TRIB3: variants seen among roughly 807,000 people sequenced by gnomAD.
The protein encoded by TRIB3 is tribbles pseudokinase 3.
Under a neutral mutation model 16.6 loss-of-function variants are expected in TRIB3, and 20 were observed. That is an observed-to-expected ratio of 1.20 (90% CI 0.85 to 1.75). TRIB3 has a LOEUF of 1.75. Among genes scored for constraint, TRIB3 ranks in the 40% most tolerant of loss-of-function variants. TRIB3 has a pLI of 0.00. For synonymous variants in TRIB3, 208 were observed against 217.0 expected (o/e 0.96, Z 0.36); for missense variants, 484 against 488.9 (o/e 0.99, Z 0.10).
intron 3 of TRIB3, among the ~76,000 whole-genome samples, chr20:393,030 TA>T: frequency 7.0e-6 from 1 of 143,146 alleles, no homozygotes; most frequent in South Asian, 2.2e-4. Context: ...CATGGCATTT[TA>T]AAAAACTTTT....
rs1296576906 is a variant in TRIB3 at position 396,511 on chromosome 20, C to T, written c.898C>T (p.Pro300Ser). The T allele has an allele frequency of 6.2e-7, 1 of 1,613,028 alleles. No homozygotes were observed. The highest frequency in any genetic ancestry group is 8.5e-7 in the Non-Finnish European group (1 of 1,180,042). ...CLVRCLLRRE[P>S]AERLTATGIL... is the part of the protein sequence containing the mutation. ...GGTTCGCTGCCTCCTTCGTCGGGAG[C>T]CAGCTGAACGGCTCACAGCCACAGG... The change falls in exon 4 of 4, where the codon CCA (proline) becomes TCA (serine). Residue 300 changes from proline to serine, a missense_variant. Transcript: ENST00000217233.
chr20:395,308 C>T (rs185350933), intron 3 of TRIB3, among the ~76,000 whole-genome samples: 129 of 151,958 alleles, frequency 8.5e-4, no homozygotes, highest in Admixed American at 2.6e-3. Context: ...ACTACAGGTG[C>T]GAATCACCAT....
At chr20:395,705 T>G (rs2015104886) in intron 3 of TRIB3, among the ~76,000 whole-genome samples, 1 of 152,102 alleles carries the variant, frequency 6.6e-6, no homozygotes. Context: ...GTGTCTTCCT[T>G]GCAGGCTGTA....
intron 3 of TRIB3, among the ~76,000 whole-genome samples, chr20:395,268 C>G (rs1212837504): frequency 1.3e-5 from 2 of 151,728 alleles, no homozygotes; most frequent in Non-Finnish European, 2.9e-5. Context: ...CAAGTCATAT[C>G]CTTCTGCCTC....
At chr20:390,470 G>A (rs970918548) in intron 2 of TRIB3, among the ~76,000 whole-genome samples, 9 of 152,208 alleles carry the variant, frequency 5.9e-5, no homozygotes, top group African/African-American at 2.2e-4. Context: ...CAGAGCCCAT[G>A]GCTGTCAGTC....
intron 1 of TRIB3, among the ~76,000 whole-genome samples, chr20:383,147 C>T (rs568073835): frequency 6.6e-6 from 1 of 152,336 alleles, no homozygotes; most frequent in South Asian, 2.1e-4. Context: ...CACAGTCACA[C>T]AGCTGCGTGA....
chr20:396,654 A>G lies in TRIB3; in HGVS notation c.1041A>G (p.Glu347=). The G allele has an allele frequency of 3.1e-6, 5 of 1,612,604 alleles. No homozygotes were observed. The highest frequency in any genetic ancestry group is 4.2e-6 in the Non-Finnish European group (5 of 1,179,680). Residue 347 remains glutamate, a synonymous_variant, in exon 4 of 4, where the codon GAA becomes GAG. Coordinates refer to ENST00000217233, the MANE Select transcript of TRIB3 (RefSeq NM_021158.5). ...PDGLGLDEAR[E]EEGDREVVLY... ...GACTGGGGCTGGACGAAGCCAGGGA[A>G]GAGGAGGGAGACAGAGAAGTGGTTC... is the stretch of plus-strand genomic sequence containing the variant.
At chr20:383,443 TG>T (rs2014715104) in intron 1 of TRIB3, among the ~76,000 whole-genome samples, 2 of 152,210 alleles carry the variant, frequency 1.3e-5, no homozygotes, top group African/African-American at 4.8e-5. Context: ...TCGTTGTTTT[TG>T]TTTTGTTTTG....
chr20:393,951 C>A (rs1181877417), intron 3 of TRIB3, among the ~76,000 whole-genome samples: 1 of 152,164 alleles, frequency 6.6e-6, no homozygotes, highest in Non-Finnish European at 1.5e-5. Context: ...CTAATTTTAG[C>A]AGCCATCCAT....
chr20:389,262 G>A (rs2014906516), intron 2 of TRIB3, among the ~76,000 whole-genome samples: 1 of 152,156 alleles, frequency 6.6e-6, no homozygotes, highest in South Asian at 2.1e-4. Context: ...ACATGACAGA[G>A]CCAGGTGGTA....
rs74413666 is a variant in TRIB3 at position 383,510 on chromosome 20, A to G, written c.-1+2341A>G. 6.9e-3 allele frequency among the ~76,000 whole-genome samples: 1,048 copies of G among 152,308 alleles called. 17 individuals are homozygous for G. Among genetic ancestry groups the G allele is most frequent in the African/African-American group, 0.023 (974 of 41,568 alleles). On this transcript the variant is annotated intron_variant, in intron 1 of 3. Transcript: ENST00000217233. ...GTTGCACAGGCTAGAGTTCCTGACC[A>G]TGGCTCACTGAAGCCTTTACCTTCT...
At chr20:393,196 T>C (rs1367091710) in intron 3 of TRIB3, among the ~76,000 whole-genome samples, 2 of 152,186 alleles carry the variant, frequency 1.3e-5, no homozygotes, top group African/African-American at 4.8e-5. Context: ...GATTCCCACT[T>C]CCCGAGTTTC....
intron 3 of TRIB3, 81 bp downstream of exon 3, chr20:391,660 G>C: frequency 6.6e-7 from 1 of 1,511,212 alleles, no homozygotes; most frequent in South Asian, 1.3e-5. Context: ...GCCCAGGAAG[G>C]CAAGGTAACT....
intron 1 of TRIB3, among the ~76,000 whole-genome samples, chr20:383,974 T>C (rs547031186): frequency 1.3e-5 from 2 of 152,278 alleles, no homozygotes; most frequent in African/African-American, 2.4e-5. Context: ...TCCCTCCTCA[T>C]TGCAGGAGCC....
At chr20:393,147 A>G (rs2015026384) in intron 3 of TRIB3, among the ~76,000 whole-genome samples, 1 of 96,382 alleles carries the variant, frequency 1.0e-5, no homozygotes. Flanking sequence ...TGACGTAGCT[A>G]TGGTACAATT....
At chr20:395,770 C>A (rs2015106729) in intron 3 of TRIB3, among the ~76,000 whole-genome samples, 1 of 152,176 alleles carries the variant, frequency 6.6e-6, no homozygotes, top group African/African-American at 2.4e-5. Context: ...GCCAGGAACA[C>A]AGCAGGCACT....
At chr20:384,084 C>CTA (rs1002303436) in intron 1 of TRIB3, among the ~76,000 whole-genome samples, 1 of 152,098 alleles carries the variant, frequency 6.6e-6, no homozygotes, top group African/African-American at 2.4e-5. Flanking sequence ...GATCTTCCTC[C>CTA]TATGAGCCCT....
In TRIB3 at chr20:396,855, C is replaced by G. The variant is rs1568538930; in HGVS notation, c.*165C>G. 2.8e-6 allele frequency: 3 copies of G among 1,067,450 alleles called. No individual in the cohort carries two copies. The highest frequency in any genetic ancestry group is 3.9e-6 in the Non-Finnish European group (3 of 764,726). 66.1% of individuals were successfully genotyped at this position (1,067,450 alleles called of 1,614,324 possible). ...GTGTACACATCTGCTTTGTTCCACA[C>G]ACATGCAGTTCCTGCTTGGGTGCTT... On this transcript the variant is annotated 3_prime_UTR_variant, in exon 4 of 4. Transcript: ENST00000217233.
intron 1 of TRIB3, among the ~76,000 whole-genome samples, chr20:385,267 C>T (rs865898982): frequency 5.3e-5 from 8 of 152,120 alleles, no homozygotes; most frequent in Admixed American, 3.9e-4. Flanking sequence ...CGTGTGCCAC[C>T]ACGCCCGGCT....
Sources: allele counts gnomAD v4.1 joint callset (sites outside exome capture counted in the v4.1 genomes callset), GRCh38; gene constraint gnomAD v4.1.1; transcripts MANE v1.5; gene names NCBI Gene and HGNC (gene_info 2026-07-23, HGNC 2026-07-21).